Variants in GSS observed in about 807,000 individuals in gnomAD.
GSS encodes the protein glutathione synthetase, also known as GSH synthetase.
Under a neutral mutation model 60.4 loss-of-function variants are expected in GSS, and 34 were observed. The ratio of observed to expected loss-of-function variants is 0.56; its 90% CI spans 0.43 to 0.75. The LOEUF (loss-of-function observed/expected upper bound fraction) is 0.75, where lower values mean the gene tolerates loss of function less well. Among genes scored for constraint, GSS ranks in the 30% least tolerant of loss-of-function variants. The pLI, the probability that GSS is intolerant of heterozygous loss-of-function variation, is 0.00. For synonymous variants in GSS, 224 were observed against 239.0 expected, an observed-to-expected ratio of 0.94 and a Z score of 0.58; for missense variants, 499 against 595.1, an observed-to-expected ratio of 0.84 and a Z score of 1.68.
At chr20:34,941,884 G>T in intron 5 of GSS, 55 bp from the exon 6 acceptor site, 1 of 916,836 alleles carries the variant, frequency 1.1e-6, no homozygotes, top group Non-Finnish European at 1.8e-6. Flanking sequence ...AGACCCCTCT[G>T]CCCATGACCT....
intron 1 of GSS, chr20:34,955,225 C>T (rs1160822273): frequency 6.6e-6 from 1 of 152,156 alleles, no homozygotes; most frequent in East Asian, 1.9e-4. Context: ...AGTAATTAGC[C>T]GCGCTTAGTA....
At chr20:34,949,085 T>C (rs541823257) in intron 2 of GSS, among the ~76,000 whole-genome samples, 7 of 152,310 alleles carry the variant, frequency 4.6e-5, no homozygotes, top group African/African-American at 1.7e-4. Context: ...AAAAATACTC[T>C]GGTGAAAACA....
intron 2 of GSS, among the ~76,000 whole-genome samples, chr20:34,947,192 A>C (rs1173208793): frequency 3.3e-5 from 5 of 152,018 alleles, no homozygotes; most frequent in Non-Finnish European, 7.4e-5. Context: ...GGTTCAAGCA[A>C]TTCTCCTGCC....
intron 2 of GSS, among the ~76,000 whole-genome samples, chr20:34,947,350 A>C (rs1337765443): frequency 6.6e-6 from 1 of 152,212 alleles, no homozygotes; most frequent in African/African-American, 2.4e-5. Flanking sequence ...AGCCTCCCAA[A>C]GTGTTGGGAT....
rs770380494 is a variant in GSS at position 34,932,026 on chromosome 20, C to T, written c.942G>A (p.Pro314=). The change falls in exon 10 of 13, where the codon CCG becomes CCA. Residue 314 remains proline (P), a synonymous_variant. Coordinates refer to ENST00000651619, the MANE Select transcript of GSS (RefSeq NM_000178.4). ...TKKVQQELSR[P]GMLEMLLPGQ... ...CAGGGAGCAACATCTCCAGCATGCC[C>T]GGCCTGCTTAGCTCCTGCTGCACCT... The T allele has an allele frequency of 1.3e-5, 21 of 1,614,052 alleles. No individual in the cohort carries two copies. The highest frequency in any genetic ancestry group is 3.3e-4 in the Middle Eastern group (2 of 6,084).
In GSS at chr20:34,951,716, G is replaced by T; in HGVS notation, c.129+8C>A. The T allele has an allele frequency of 6.2e-7, 1 of 1,600,546 alleles. No homozygotes were observed. On this transcript the variant is annotated splice_region_variant and intron_variant, in intron 2 of 12. Coordinates refer to ENST00000651619, the MANE Select transcript of GSS (RefSeq NM_000178.4). ...GGTGAATGCTGTGGGGAGGAGCTAGGGGCTTACCTCCGAGGAAGTGGGCTC... is the reference window on the plus strand; with the variant it reads ...GGTGAATGCTGTGGGGAGGAGCTAGTGGCTTACCTCCGAGGAAGTGGGCTC...
At chr20:34,932,629 T>C (rs1048943800) in intron 9 of GSS, among the ~76,000 whole-genome samples, 3 of 152,206 alleles carry the variant, frequency 2.0e-5, no homozygotes, top group Non-Finnish European at 2.9e-5. Context: ...CATGCATAGC[T>C]GGATCCTTAC....
chr20:34,951,651 G>C, intron 2 of GSS, 73 bp downstream of exon 2: 4 of 1,500,742 alleles, frequency 2.7e-6, no homozygotes, highest in Middle Eastern at 1.8e-4. Context: ...TGATGCAAAG[G>C]AGTGACCCTC....
chr20:34,942,682 C>T, intron 4 of GSS, 55 bp from the exon 5 acceptor site: 1 of 1,556,526 alleles, frequency 6.4e-7, no homozygotes, highest in East Asian at 2.2e-5. Flanking sequence ...CTCTGAGGAC[C>T]TAGCCACAGA....
At chr20:34,942,806 T>C in intron 4 of GSS, 125 bp downstream of exon 4, 2 of 907,078 alleles carry the variant, frequency 2.2e-6, no homozygotes, top group South Asian at 2.8e-5. Flanking sequence ...ATAAACCCAG[T>C]GAGGACCAGT....
chr20:34,941,628 T>C (rs951842417), intron 6 of GSS, 85 bp downstream of exon 6: 38 of 812,176 alleles, frequency 4.7e-5, no homozygotes, highest in Non-Finnish European at 7.8e-5. Context: ...TATTCTCTAA[T>C]GATGGCTGGC....
At chr20:34,953,371 C>G (rs904873941) in intron 1 of GSS, among the ~76,000 whole-genome samples, 1 of 152,154 alleles carries the variant, frequency 6.6e-6, no homozygotes, top group South Asian at 2.1e-4. Context: ...TGAAAGAATG[C>G]GCATGTGATC....
At position 34,935,732 on chromosome 20, in the gene GSS, T is replaced by C. The variant is rs1027349172; in HGVS notation, c.768-90A>G. On this transcript the variant is annotated intron_variant, in intron 8 of 12. Transcript: ENST00000651619. Reference sequence around the variant, plus strand: ...TATTTCAGGGTGCATCAAGATGAATTTGGCTTTTTCAAAATTCAGCCCACA... The same window carrying C: ...TATTTCAGGGTGCATCAAGATGAATCTGGCTTTTTCAAAATTCAGCCCACA... 9 of 1,113,704 alleles carry C rather than the reference T, an allele frequency of 8.1e-6. No homozygotes were observed. The African/African-American group carries it at 9.2e-5, about 11-fold the overall frequency. 69.0% of individuals were successfully genotyped at this position (1,113,704 alleles called of 1,614,324 possible). A position where few individuals can be genotyped will look rare whatever the true frequency, so the allele number is the denominator to read the frequency against.
In GSS at chr20:34,946,030, A is replaced by G. The variant is rs1485623109; in HGVS notation, c.198T>C (p.Tyr66=). 3 of 1,613,800 alleles carry G rather than the reference A, an allele frequency of 1.9e-6. No homozygotes were observed. Among genetic ancestry groups the G allele is most frequent in the Admixed American group, 1.7e-5 (1 of 60,004 alleles). The change falls in exon 3 of 13, where the codon TAT becomes TAC. Residue 66 remains tyrosine (Y), a synonymous_variant. Transcript: ENST00000651619. ...LVPSALLEQA[Y]AVQMDFNLLV... ...GCAGGTTGAAGTCCATCTGCACAGCATAGGCTTGCTCCAGCAGGGCACTGG... is the reference window on the plus strand; with the variant it reads ...GCAGGTTGAAGTCCATCTGCACAGCGTAGGCTTGCTCCAGCAGGGCACTGG...
In GSS at chr20:34,929,459, T is replaced by A. The variant is rs1481368532; in HGVS notation, c.1243A>T (p.Ser415Cys). 6.2e-7 allele frequency: 1 copy of A among 1,614,178 alleles called. No individual in the cohort carries two copies. The highest frequency in any genetic ancestry group is 8.5e-7 in the Non-Finnish European group (1 of 1,180,022). ...ATGCACTGGACCACTCGGGCAGGGC[T>A]GCCAGGCCGTAGCAGGCAATTCTCA... ...PFENCLLRPGSPARVVQCISE... is the reference protein window; with the variant it reads ...PFENCLLRPGCPARVVQCISE... The change falls in exon 12 of 13, where the codon AGC becomes TGC. Residue 415 changes from serine (S) to cysteine (C), a missense_variant. Transcript: ENST00000651619.
chr20:34,943,050 TA>T, intron 3 of GSS, 44 bp from the exon 4 acceptor site: 1 of 1,376,804 alleles, frequency 7.3e-7, no homozygotes, highest in Non-Finnish European at 1.0e-6. Flanking sequence ...TAATTGGACC[TA>T]AAATTTCAAG....
intron 1 of GSS, among the ~76,000 whole-genome samples, chr20:34,953,207 T>G (rs2081582691): frequency 6.6e-6 from 1 of 152,184 alleles, no homozygotes; most frequent in East Asian, 1.9e-4. Context: ...CTGTTGCCAT[T>G]TAACAGAACA....
At chr20:34,955,660 C>G (rs946780648) in intron 1 of GSS, 67 bp downstream of exon 1, 3 of 152,270 alleles carry the variant, frequency 2.0e-5, no homozygotes, top group Non-Finnish European at 4.4e-5. Flanking sequence ...TTGCCAGACC[C>G]CTCCCTCACA....
At position 34,931,231 on chromosome 20, in the gene GSS, T is replaced by C. The variant is rs146746138; in HGVS notation, c.1111+105A>G. ...ATGTGGCCTGTGTCAGTTCCAATAG[T>C]TTCCCCCATGCCCGGGACTGTGCCC... On this transcript the variant is annotated intron_variant, in intron 11 of 12. Transcript: ENST00000651619. The C allele has an allele frequency of 2.3e-3, 2,103 of 915,004 alleles. 8 individuals carry two copies. Among genetic ancestry groups the C allele is most frequent in the Admixed American group, 3.2e-3 (177 of 55,634 alleles). 56.7% of individuals were successfully genotyped at this position (915,004 alleles called of 1,614,324 possible). A position where few individuals can be genotyped will look rare whatever the true frequency, so the allele number is the denominator to read the frequency against.
Sources: gnomAD v4.1 joint callset for allele counts (sites outside exome capture counted in the v4.1 genomes callset) on GRCh38, gnomAD v4.1.1 for gene constraint, MANE v1.5 for transcripts, NCBI Gene and HGNC (gene_info 2026-07-23, HGNC 2026-07-21) for gene names.